BOLL: variants seen among roughly 807,000 people sequenced by gnomAD.
BOLL encodes boule RNA binding protein.
In BOLL, 23 loss-of-function variants were observed where a neutral mutation model predicts 44.4. The observed-to-expected ratio is 0.52, with a 90% CI of 0.37 to 0.73. The LOEUF is 0.73. Ranked by LOEUF, BOLL falls within the 30% of genes least tolerant of loss-of-function variation. The pLI, the probability that BOLL is intolerant of heterozygous loss-of-function variation, is 0.00. For missense variants in BOLL, 287 were observed against 338.3 expected (o/e 0.85, Z 1.19); for synonymous variants, 97 against 110.8 (o/e 0.88, Z 0.78).
chr2:197,757,237 A>T, intron 8 of BOLL, 116 bp downstream of exon 8: 1 of 787,464 alleles, frequency 1.3e-6, no homozygotes, highest in Non-Finnish European at 2.0e-6. Flanking sequence ...CAAAAGAATA[A>T]GTTAATAAAC....
intron 7 of BOLL, among the ~76,000 whole-genome samples, chr2:197,765,418 C>A (rs1688947121): frequency 1.3e-5 from 2 of 151,684 alleles, no homozygotes; most frequent in African/African-American, 4.8e-5. Flanking sequence ...ATGTTTTATA[C>A]CACTATAGGA....
At chr2:197,772,367 C>G (rs1221182100) in intron 5 of BOLL, among the ~76,000 whole-genome samples, 1 of 151,952 alleles carries the variant, frequency 6.6e-6, no homozygotes, top group Non-Finnish European at 1.5e-5. Flanking sequence ...AGACAACATA[C>G]ACTGTAGTGA....
chr2:197,732,108 T>TA (rs1448686224), intron 10 of BOLL, among the ~76,000 whole-genome samples: 49 of 146,078 alleles, frequency 3.4e-4, no homozygotes, highest in Admixed American at 4.1e-4. Flanking sequence ...ATAGACGCAA[T>TA]AAAAAATGAT....
At chr2:197,734,363 T>G (rs1687370010) in intron 10 of BOLL, among the ~76,000 whole-genome samples, 1 of 152,122 alleles carries the variant, frequency 6.6e-6, no homozygotes, top group South Asian at 2.1e-4. Flanking sequence ...ACACTGTTGG[T>G]GGGACTGTAA....
At chr2:197,749,805 A>G (rs2106337982) in intron 9 of BOLL, among the ~76,000 whole-genome samples, 1 of 152,266 alleles carries the variant, frequency 6.6e-6, no homozygotes, top group East Asian at 1.9e-4. Context: ...CAAGGTGGAA[A>G]ACACACTCAG....
chr2:197,753,932 C>T (rs139176065), intron 9 of BOLL, among the ~76,000 whole-genome samples: 3,610 of 152,156 alleles, frequency 0.024, 74 homozygotes, highest in Non-Finnish European at 0.035. Flanking sequence ...GTGGCACATA[C>T]ACACCATGGA....
intron 7 of BOLL, among the ~76,000 whole-genome samples, chr2:197,764,266 A>C (rs1265316884): frequency 6.6e-6 from 1 of 152,250 alleles, no homozygotes; most frequent in Non-Finnish European, 1.5e-5. Context: ...TATTCACAAT[A>C]GCCAAAATAT....
chr2:197,776,907 C>T (rs1574865153), intron 4 of BOLL, 152 bp downstream of exon 4: 2 of 512,828 alleles, frequency 3.9e-6, no homozygotes, highest in South Asian at 3.8e-5. Flanking sequence ...GGAATTTGCT[C>T]TTCTGCAGAT....
rs756250846 is a variant in BOLL at position 197,771,915 on chromosome 2, G to A, written c.420C>T (p.Tyr140=). 4 of 1,598,530 alleles carry A rather than the reference G, an allele frequency of 2.5e-6. No homozygotes were observed. The highest frequency in any genetic ancestry group is 1.1e-5 in the South Asian group (1 of 88,556). Residue 140 remains tyrosine, a synonymous_variant, in exon 6 of 11, where the codon TAC becomes TAT. Transcript: ENST00000392296. ...TATGAAAATAAGCAACACCATTATGGTAAGTATAAGGATATCCAGTTGAAG... is the reference window on the plus strand; with the variant it reads ...TATGAAAATAAGCAACACCATTATGATAAGTATAAGGATATCCAGTTGAAG... ...LTTSTGYPYT[Y]HNGVAYFHTP...
chr2:197,747,804 G>C (rs921483013), intron 9 of BOLL, among the ~76,000 whole-genome samples: 8 of 152,150 alleles, frequency 5.3e-5, no homozygotes, highest in African/African-American at 1.9e-4. Flanking sequence ...CATGCACATG[G>C]TACTGGTACA....
intron 5 of BOLL, among the ~76,000 whole-genome samples, chr2:197,775,372 T>C (rs993670896): frequency 6.6e-6 from 1 of 151,968 alleles, no homozygotes; most frequent in Non-Finnish European, 1.5e-5. Flanking sequence ...TTACTTCTAA[T>C]TACTTTTGCT....
intron 7 of BOLL, among the ~76,000 whole-genome samples, chr2:197,763,194 G>A (rs1295635606): frequency 6.6e-6 from 1 of 152,018 alleles, no homozygotes; most frequent in Non-Finnish European, 1.5e-5. Flanking sequence ...AAAACCTTAA[G>A]AAACAAGGCC....
intron 10 of BOLL, among the ~76,000 whole-genome samples, chr2:197,738,663 G>C (rs191349500): frequency 6.6e-6 from 1 of 152,142 alleles, no homozygotes; most frequent in Admixed American, 6.6e-5. Context: ...TTCCTACTTT[G>C]GGATATCTTC....
chr2:197,776,966 A>G (rs537662062), intron 4 of BOLL, 93 bp downstream of exon 4: 1 of 995,614 alleles, frequency 1.0e-6, no homozygotes, highest in East Asian at 2.8e-5. Flanking sequence ...ACCTTTTTTA[A>G]AAAGCAGTTG....
intron 10 of BOLL, among the ~76,000 whole-genome samples, chr2:197,729,983 GAGA>G (rs1447315422): frequency 6.6e-6 from 1 of 151,930 alleles, no homozygotes; most frequent in African/African-American, 2.4e-5. Flanking sequence ...GACGAGCTGA[GAGA>G]AGAAGGCTTC....
intron 6 of BOLL, among the ~76,000 whole-genome samples, chr2:197,768,842 C>A (rs1410337714): frequency 6.7e-6 from 1 of 149,160 alleles, no homozygotes; most frequent in Non-Finnish European, 1.5e-5. Context: ...TCCATCAATA[C>A]CTAGTTTATT....
intron 10 of BOLL, among the ~76,000 whole-genome samples, chr2:197,739,297 T>C (rs1687633700): frequency 6.6e-6 from 1 of 152,184 alleles, no homozygotes; most frequent in South Asian, 2.1e-4. Flanking sequence ...GGTTTCACTC[T>C]GTTGCCCAAA....
At chr2:197,739,191 G>C (rs1687629590) in intron 10 of BOLL, among the ~76,000 whole-genome samples, 1 of 152,074 alleles carries the variant, frequency 6.6e-6, no homozygotes, top group Non-Finnish European at 1.5e-5. Context: ...TAACTATCTT[G>C]TGCTCCAGTT....
intron 2 of BOLL, 87 bp from the exon 3 acceptor site, chr2:197,779,153 G>T (rs1224065543): frequency 9.0e-6 from 9 of 995,260 alleles, no homozygotes; most frequent in Non-Finnish European, 1.3e-5. Context: ...GACAGAAAAA[G>T]TTATAGATAA....
Sources: allele counts gnomAD v4.1 joint callset (sites outside exome capture counted in the v4.1 genomes callset), GRCh38; gene constraint gnomAD v4.1.1; transcripts MANE v1.5; gene names NCBI Gene and HGNC (gene_info 2026-07-23, HGNC 2026-07-21).